The following DNAJC5 variants were observed in gnomAD, a reference collection of about 807,000 sequenced individuals.
DNAJC5 encodes dnaJ homolog subfamily C member 5.
In DNAJC5, 1 loss-of-function variant was observed where a neutral mutation model predicts 23.2. That is an observed-to-expected ratio of 0.04 (90% CI 0.02 to 0.20). The LOEUF (loss-of-function observed/expected upper bound fraction) is 0.20. DNAJC5 is among the 10% of genes least tolerant of loss of function. DNAJC5 has a pLI of 1.00. For missense variants in DNAJC5, 180 were observed against 267.0 expected (o/e 0.67, Z 2.27); for synonymous variants, 136 against 120.0 (o/e 1.13, Z -0.87).
chr20:63,924,245 C>T (rs572338042), intron 1 of DNAJC5, among the ~76,000 whole-genome samples: 2 of 152,288 alleles, frequency 1.3e-5, no homozygotes, highest in African/African-American at 4.8e-5. Flanking sequence ...GGTTAGGCTT[C>T]TGTCAAGTCT....
intron 1 of DNAJC5, among the ~76,000 whole-genome samples, chr20:63,902,024 C>T (rs907640942): frequency 1.3e-5 from 2 of 151,880 alleles, no homozygotes; most frequent in South Asian, 2.1e-4. Context: ...TTTGTTAGTT[C>T]TTTCTTGATG....
At chr20:63,918,363 A>T (rs546271440) in intron 1 of DNAJC5, among the ~76,000 whole-genome samples, 36 of 152,306 alleles carry the variant, frequency 2.4e-4, no homozygotes, top group Non-Finnish European at 4.3e-4. Flanking sequence ...GGAAAAAAAA[A>T]GCAGATTACA....
intron 1 of DNAJC5, among the ~76,000 whole-genome samples, chr20:63,927,547 A>G (rs919375603): frequency 7.2e-6 from 1 of 139,318 alleles, no homozygotes; most frequent in Non-Finnish European, 1.6e-5. Context: ...CCCCCCCCCA[A>G]AAAAGAAAGA....
chr20:63,896,235 G>A (rs1384795666), intron 1 of DNAJC5, among the ~76,000 whole-genome samples: 1 of 152,206 alleles, frequency 6.6e-6, no homozygotes, highest in East Asian at 1.9e-4. Flanking sequence ...GAGATTTTAT[G>A]TTCGTTTATT....
intron 1 of DNAJC5, among the ~76,000 whole-genome samples, chr20:63,922,466 C>CAAAA (rs71333725): frequency 1.7e-5 from 2 of 117,330 alleles, no homozygotes; most frequent in Admixed American, 8.5e-5. Flanking sequence ...GACTCTGTCT[C>CAAAA]AAAAAAAAAA....
chr20:63,921,867 C>T (rs2053576241), intron 1 of DNAJC5, among the ~76,000 whole-genome samples: 1 of 152,010 alleles, frequency 6.6e-6, no homozygotes, highest in Non-Finnish European at 1.5e-5. Context: ...CAACCTCCTC[C>T]TCCCGGGTTC....
rs756046159 is a variant in DNAJC5, at chr20:63,929,550, G to A, written c.321+25G>A. On this transcript the variant is annotated intron_variant, in intron 3 of 4. Coordinates refer to ENST00000360864, the MANE Select transcript of DNAJC5 (RefSeq NM_025219.3). The surrounding 1 kb of genome is among the most constrained non-coding windows in gnomAD (Gnocchi z 8.6). The stretch of plus-strand genomic sequence containing the variant: ...GGTGAGGGCGAGCTGCCTGCCGTGC[G>A]GGCACCCGAGTCACTCCTGCCGTGC... The A allele has an allele frequency of 4.3e-6, 7 of 1,610,316 alleles. No homozygotes were observed. The highest frequency in any genetic ancestry group is 3.3e-5 in the Admixed American group (2 of 59,948).
rs1418791014 is a variant in DNAJC5 at position 63,895,304 on chromosome 20, G to C, written c.-31G>C. Reference sequence around the variant, plus strand: ...AGCCGCGGAGCCGGCGGGAGGGCGGGCGGGCGGGCGGACGGGCAGGTGAGC... The same window carrying C: ...AGCCGCGGAGCCGGCGGGAGGGCGGCCGGGCGGGCGGACGGGCAGGTGAGC... On this transcript the variant is annotated 5_prime_UTR_variant, in exon 1 of 5. Coordinates refer to ENST00000360864, the MANE Select transcript of DNAJC5 (RefSeq NM_025219.3). The C allele has an allele frequency of 6.8e-6, 1 of 148,028 alleles. No homozygotes were observed. The highest frequency in any genetic ancestry group is 2.4e-5 in the African/African-American group (1 of 40,950). 9.2% of individuals were successfully genotyped at this position (148,028 alleles called of 1,614,324 possible). A position where few individuals can be genotyped will look rare whatever the true frequency, so the allele number is the denominator to read the frequency against.
intron 1 of DNAJC5, among the ~76,000 whole-genome samples, chr20:63,926,903 T>A (rs1320101034): frequency 2.6e-5 from 4 of 152,120 alleles, no homozygotes; most frequent in African/African-American, 7.2e-5. Context: ...AAATTAACCG[T>A]CATGTACACT....
chr20:63,916,847 C>T (rs1048406684), intron 1 of DNAJC5, among the ~76,000 whole-genome samples: 4 of 152,278 alleles, frequency 2.6e-5, no homozygotes, highest in South Asian at 2.1e-4. Flanking sequence ...CCTACTTGCA[C>T]GTCCGCTTAT....
chr20:63,915,468 A>G (rs1474025162), intron 1 of DNAJC5, among the ~76,000 whole-genome samples: 4 of 152,260 alleles, frequency 2.6e-5, no homozygotes, highest in South Asian at 2.1e-4. Context: ...ACACACCATA[A>G]TAAGTAAAAA....
At chr20:63,909,452 G>A (rs1052867243) in intron 1 of DNAJC5, among the ~76,000 whole-genome samples, 13 of 152,328 alleles carry the variant, frequency 8.5e-5, no homozygotes, top group South Asian at 6.2e-4. Context: ...GCAGTGAGCC[G>A]AGATGGCGCC....
chr20:63,922,030 C>T (rs2053577564), intron 1 of DNAJC5, among the ~76,000 whole-genome samples: 1 of 152,112 alleles, frequency 6.6e-6, no homozygotes, highest in Admixed American at 6.5e-5. Context: ...TCAACCACCT[C>T]AGCCTCCCAA....
Position 63,896,972 on chromosome 20 carries a change from A to G in DNAJC5, c.-12+1649A>G, listed in dbSNP as rs1308361262. Among the ~76,000 whole-genome samples the G allele has an allele frequency of 2.0e-5, 3 of 152,136 alleles. No individual in the cohort carries two copies. The South Asian group carries it at 6.2e-4, about 31-fold the overall frequency. ...GTGTTGGCCCTCAGGACAGAGAGCC[A>G]CCATCTCTCACCTGCCCAATGAGGA... is the stretch of plus-strand genomic sequence containing the variant. On this transcript the variant is annotated intron_variant, in intron 1 of 4. Coordinates refer to ENST00000360864, the MANE Select transcript of DNAJC5 (RefSeq NM_025219.3).
In DNAJC5 at chr20:63,928,338, A is replaced by G; in HGVS notation, c.-8A>G. On this transcript the variant is annotated 5_prime_UTR_variant, in exon 2 of 5. In the 5' UTR this introduces an upstream ATG that the reference lacks. Transcript: ENST00000360864. This position sits in a 1 kb window ranked among gnomAD's most constrained non-coding sequence, Gnocchi z 4.6. The stretch of plus-strand genomic sequence containing the variant: ...TTCTTTTTATTTTTTCTTCTAGAAT[A>G]GCCTAACATGGCAGACCAGAGACAG... 1 of 1,612,092 alleles carries G rather than the reference A, an allele frequency of 6.2e-7. No individual in the cohort carries two copies. Among genetic ancestry groups the G allele is most frequent in the Non-Finnish European group, 8.5e-7 (1 of 1,178,448 alleles).
chr20:63,902,386 A>T (rs1354605203), intron 1 of DNAJC5, among the ~76,000 whole-genome samples: 1 of 88,670 alleles, frequency 1.1e-5, no homozygotes, highest in Non-Finnish European at 2.0e-5. Flanking sequence ...TTTTTTTGAG[A>T]CGGAGTTTCA....
intron 1 of DNAJC5, among the ~76,000 whole-genome samples, chr20:63,910,397 G>A (rs4809381): frequency 3.3e-5 from 5 of 152,028 alleles, no homozygotes; most frequent in Admixed American, 2.6e-4. Flanking sequence ...ACAAAAATTA[G>A]CTGGGCATGG....
rs1208321754 is a variant in DNAJC5 at position 63,933,144 on chromosome 20, G to C, written c.*1576G>C. On this transcript the variant is annotated 3_prime_UTR_variant, in exon 5 of 5. Coordinates refer to ENST00000360864, the MANE Select transcript of DNAJC5 (RefSeq NM_025219.3). ...TAGAGATAAAGCTGAGGAGGAGGCT[G>C]TGTGTGATGGCTCTGGCTCGGACCA... 6.6e-6 allele frequency: 1 copy of C among 152,486 alleles called. No homozygotes were observed. Among genetic ancestry groups the C allele is most frequent in the Non-Finnish European group, 1.5e-5 (1 of 68,138 alleles). The allele number at this position is 152,486 out of a possible 1,614,324, so 9.4% of individuals were successfully genotyped here.
At position 63,929,495 on chromosome 20, in the gene DNAJC5, C is replaced by T; in HGVS notation, c.291C>T (p.Thr97=). The T allele has an allele frequency of 6.2e-7, 1 of 1,614,104 alleles. No individual in the cohort carries two copies. Among genetic ancestry groups the T allele is most frequent in the Non-Finnish European group, 8.5e-7 (1 of 1,180,022 alleles). ...AEQFGEENVN[T]YFVLSSWWAK... is the part of the protein sequence containing the mutation. Reference sequence around the variant, plus strand: ...AGTTTGGGGAAGAGAACGTGAACACCTACTTCGTGCTGTCCAGCTGGTGGG... The same window carrying T: ...AGTTTGGGGAAGAGAACGTGAACACTTACTTCGTGCTGTCCAGCTGGTGGG... Residue 97 remains threonine (T), a synonymous_variant, in exon 3 of 5, where the codon ACC becomes ACT. Transcript: ENST00000360864. The surrounding 1 kb of genome is among the most constrained non-coding windows in gnomAD (Gnocchi z 8.6).
Sources: gnomAD v4.1 joint callset for allele counts (sites outside exome capture counted in the v4.1 genomes callset) on GRCh38, gnomAD v4.1.1 for gene constraint, Gnocchi (gnomAD v3.1) non-coding constraint, MANE v1.5 for transcripts, NCBI Gene and HGNC (gene_info 2026-07-23, HGNC 2026-07-21) for gene names.